Variants in BCAS3 observed in about 807,000 individuals in gnomAD.
The protein encoded by BCAS3 is BCAS3 microtubule associated cell migration factor.
Under a neutral mutation model 116.1 loss-of-function variants are expected in BCAS3, and 53 were observed. The observed-to-expected ratio is 0.46, with a 90% CI of 0.37 to 0.57. The LOEUF is 0.57. Ranked by LOEUF, BCAS3 falls within the 20% of genes least tolerant of loss-of-function variation. The pLI is 0.00. For missense variants in BCAS3, 917 were observed against 1,165.4 expected (o/e 0.79, Z 3.10); for synonymous variants, 391 against 408.2 (o/e 0.96, Z 0.51).
At position 61,355,485 on chromosome 17, in the gene BCAS3, A is replaced by T. The variant is rs76139184; in HGVS notation, c.2426-12842A>T. 0.021 allele frequency among the ~76,000 whole-genome samples: 3,121 copies of T among 152,140 alleles called. 98 individuals are homozygous for T. Among genetic ancestry groups the T allele is most frequent in the African/African-American group, 0.071 (2,932 of 41,496 alleles). ...CACTCCAGCCATATTTTCAAAAAAA[A>T]AAATTCAGCATGGTAGTTTTAGTGG... On this transcript the variant is annotated intron_variant, in intron 22 of 23. Coordinates refer to ENST00000407086, the MANE Select transcript of BCAS3 (RefSeq NM_017679.5). The surrounding 1 kb of genome is among the most constrained non-coding windows in gnomAD (Gnocchi z 4.2).
chr17:61,284,567 C>T (rs1235309167), intron 22 of BCAS3, among the ~76,000 whole-genome samples: 1 of 152,186 alleles, frequency 6.6e-6, no homozygotes, highest in African/African-American at 2.4e-5. Flanking sequence ...GAACCAATTC[C>T]AGACACAATC....
rs1027629133 is a variant in BCAS3, at chr17:61,233,270, A to G, written c.2426-135057A>G. Among the ~76,000 whole-genome samples the G allele has an allele frequency of 2.6e-5, 4 of 152,158 alleles. No homozygotes were observed. Among genetic ancestry groups the G allele is most frequent in the Non-Finnish European group, 4.4e-5 (3 of 68,026 alleles). On this transcript the variant is annotated intron_variant, in intron 22 of 23. Coordinates refer to ENST00000407086, the MANE Select transcript of BCAS3 (RefSeq NM_017679.5). The surrounding 1 kb of genome is among the most constrained non-coding windows in gnomAD (Gnocchi z 4.3). Reference sequence around the variant, plus strand: ...CCAAGTTTCATTTAGGAAGCTTCACACCTTTGAGCCCCAGGGAAGAGTTTG... The same window carrying G: ...CCAAGTTTCATTTAGGAAGCTTCACGCCTTTGAGCCCCAGGGAAGAGTTTG...
rs2077123608 is a variant in BCAS3 at position 61,145,077 on chromosome 17, C to T, written c.2425+60513C>T. Among the ~76,000 whole-genome samples the T allele has an allele frequency of 6.6e-6, 1 of 152,204 alleles. No homozygotes were observed. The highest frequency in any genetic ancestry group is 1.5e-5 in the Non-Finnish European group (1 of 68,034). On this transcript the variant is annotated intron_variant, in intron 22 of 23. Coordinates refer to ENST00000407086, the MANE Select transcript of BCAS3 (RefSeq NM_017679.5). This position sits in a 1 kb window ranked among gnomAD's most constrained non-coding sequence, Gnocchi z 5.0. ...TGTCAAATGTTTACCATTATCAAAA[C>T]TCTCCCTGGAGGGAGATGCAACTTT... is the stretch of plus-strand genomic sequence containing the variant.
At chr17:60,714,665 G>A (rs1478914053) in intron 5 of BCAS3, among the ~76,000 whole-genome samples, 1 of 152,084 alleles carries the variant, frequency 6.6e-6, no homozygotes, top group African/African-American at 2.4e-5. Context: ...AGACAAAACT[G>A]TCCCACCTGG....
intron 13 of BCAS3, among the ~76,000 whole-genome samples, chr17:60,941,527 T>C (rs1295774978): frequency 6.6e-6 from 1 of 152,228 alleles, no homozygotes; most frequent in African/African-American, 2.4e-5. Flanking sequence ...GCTATTTCTT[T>C]TTCTCCTTTC....
At position 61,131,779 on chromosome 17, in the gene BCAS3, T is replaced by C. The variant is rs976756155; in HGVS notation, c.2425+47215T>C. Among the ~76,000 whole-genome samples the C allele has an allele frequency of 1.3e-5, 2 of 152,206 alleles. No individual in the cohort carries two copies. The highest frequency in any genetic ancestry group is 4.8e-5 in the African/African-American group (2 of 41,452). On this transcript the variant is annotated intron_variant, in intron 22 of 23. Coordinates refer to ENST00000407086, the MANE Select transcript of BCAS3 (RefSeq NM_017679.5). This position sits in a 1 kb window ranked among gnomAD's most constrained non-coding sequence, Gnocchi z 4.4. ...AGCAGAAACACTCATGAAGGAGCCC[T>C]GATTAAAAAGAGTGGTAATGAAGAC... is the stretch of plus-strand genomic sequence containing the variant.
In BCAS3 at chr17:60,875,717, CAT is replaced by C. The variant is rs200127437; in HGVS notation, c.661+980_661+981del. On this transcript the variant is annotated intron_variant, in intron 9 of 23. Coordinates refer to ENST00000407086, the MANE Select transcript of BCAS3 (RefSeq NM_017679.5). ...TCAATAATTTGGCCTATTATGTAAA[CAT>C]GTAATAATATAGTGCTGTGGCAAAA... is the stretch of plus-strand genomic sequence containing the variant. Among the ~76,000 whole-genome samples, 726 of 152,028 alleles carry C rather than the reference CAT, an allele frequency of 4.8e-3. 19 individuals carry two copies. The highest frequency in any genetic ancestry group is 0.041 in the Admixed American group (633 of 15,274).
At chr17:60,811,009 G>A (rs1376619588) in intron 7 of BCAS3, 2 of 664,924 alleles carry the variant, frequency 3.0e-6, no homozygotes, top group Non-Finnish European at 5.6e-6. Context: ...CACCACAGTG[G>A]TCACCATGCA....
intron 23 of BCAS3, chr17:61,384,390 G>A (rs2059748164): frequency 6.6e-6 from 1 of 152,274 alleles, no homozygotes; most frequent in African/African-American, 2.4e-5. Flanking sequence ...CCCCCCACTT[G>A]CTTTTCTCAT....
chr17:60,998,798 T>A lies in BCAS3; in HGVS notation c.1486+8563T>A, dbSNP rs188056538. On this transcript the variant is annotated intron_variant, in intron 15 of 23. Coordinates refer to ENST00000407086, the MANE Select transcript of BCAS3 (RefSeq NM_017679.5). ...GTAGATTGTCTGTTTACTCTGTTGA[T>A]AGTCAGAAGCTCTTTAGTTTAATTA... 2.0e-5 allele frequency among the ~76,000 whole-genome samples: 3 copies of A among 152,284 alleles called. No homozygotes were observed. The East Asian group carries it at 5.8e-4, about 29-fold the overall frequency.
chr17:60,918,991 A>G (rs552774908), intron 12 of BCAS3, among the ~76,000 whole-genome samples: 76 of 151,590 alleles, frequency 5.0e-4, no homozygotes, highest in African/African-American at 1.2e-3. Flanking sequence ...CTGCACCTGG[A>G]CTCACTTGTA....
chr17:61,094,539 G>A (rs992557906), intron 22 of BCAS3, among the ~76,000 whole-genome samples: 1 of 152,158 alleles, frequency 6.6e-6, no homozygotes, highest in Admixed American at 6.5e-5. Flanking sequence ...CTGTTTAACA[G>A]AGTCCCAATA....
At chr17:61,010,586 T>C (rs2065045369) in intron 15 of BCAS3, among the ~76,000 whole-genome samples, 1 of 151,972 alleles carries the variant, frequency 6.6e-6, no homozygotes, top group Non-Finnish European at 1.5e-5. Flanking sequence ...CTTTGTATTG[T>C]AATATTAAAA....
At chr17:60,781,992 T>TAGAATTTCTGTC (rs56720614) in intron 6 of BCAS3, among the ~76,000 whole-genome samples, 41,951 of 151,964 alleles carry the variant, frequency 0.28, 11,465 homozygotes, top group African/African-American at 0.72. Flanking sequence ...ATCCTCCACC[T>TAGAATTTCTGTC]AGAAATTCAG....
intron 14 of BCAS3, among the ~76,000 whole-genome samples, chr17:60,953,416 T>G (rs1194363759): frequency 7.2e-6 from 1 of 138,202 alleles, no homozygotes; most frequent in Non-Finnish European, 1.5e-5. Flanking sequence ...GGGTTTTTTG[T>G]TTTTTTTTCT....
At chr17:60,849,911 A>G (rs1164181024) in intron 7 of BCAS3, among the ~76,000 whole-genome samples, 3 of 152,056 alleles carry the variant, frequency 2.0e-5, no homozygotes, top group Non-Finnish European at 4.4e-5. Context: ...CAGGCGTGCT[A>G]CCGTGCCTCG....
Position 61,118,354 on chromosome 17 carries a change from C to T in BCAS3, c.2425+33790C>T, listed in dbSNP as rs927101107. Among the ~76,000 whole-genome samples, 17 of 152,202 alleles carry T rather than the reference C, an allele frequency of 1.1e-4. No homozygotes were observed. The highest frequency in any genetic ancestry group is 3.9e-4 in the African/African-American group (16 of 41,450). On this transcript the variant is annotated intron_variant, in intron 22 of 23. Coordinates refer to ENST00000407086, the MANE Select transcript of BCAS3 (RefSeq NM_017679.5). This position sits in a 1 kb window ranked among gnomAD's most constrained non-coding sequence, Gnocchi z 5.0. ...CAGTCAAAGTCCAAAAAGGGATTCT[C>T]CCCTAGACCTCTTTCATAAGCACCC... is the stretch of plus-strand genomic sequence containing the variant.
intron 6 of BCAS3, among the ~76,000 whole-genome samples, chr17:60,750,036 C>T (rs1054120974): frequency 1.3e-5 from 2 of 151,860 alleles, no homozygotes; most frequent in African/African-American, 4.8e-5. Flanking sequence ...GCATGGTGGC[C>T]AGTGCCTGTT....
At chr17:61,304,705 A>G (rs188883406) in intron 22 of BCAS3, among the ~76,000 whole-genome samples, 1 of 151,672 alleles carries the variant, frequency 6.6e-6, no homozygotes, top group East Asian at 1.9e-4. Flanking sequence ...TGAACATCCA[A>G]CATGTCTTTG....
Sources: gnomAD v4.1 joint callset for allele counts (sites outside exome capture counted in the v4.1 genomes callset) on GRCh38, gnomAD v4.1.1 for gene constraint, Gnocchi (gnomAD v3.1) non-coding constraint, MANE v1.5 for transcripts, NCBI Gene and HGNC (gene_info 2026-07-23, HGNC 2026-07-21) for gene names.